The following EHMT2 variants were observed in gnomAD, a reference collection of about 807,000 sequenced individuals.
EHMT2 encodes the protein euchromatic histone lysine methyltransferase 2.
EHMT2 carries 59 observed loss-of-function variants against 143.3 expected under a neutral mutation model. The ratio of observed to expected loss-of-function variants is 0.41; its 90% CI spans 0.33 to 0.51. The LOEUF (loss-of-function observed/expected upper bound fraction) is 0.51, where lower values mean the gene tolerates loss of function less well. Ranked by LOEUF, EHMT2 falls within the 20% of genes least tolerant of loss-of-function variation. The probability of loss-of-function intolerance (pLI) is 0.18; values close to 1 mark genes in which losing one functional copy is unlikely to be tolerated. For synonymous variants in EHMT2, 604 were observed against 651.5 expected, an observed-to-expected ratio of 0.93 and a Z score of 1.11; for missense variants, 1,174 against 1,645.9, an observed-to-expected ratio of 0.71 and a Z score of 4.96.
At chr6:31,896,972 C>T (rs915573630) in exon 2 of EHMT2, 6 of 1,582,458 alleles carry the variant, frequency 3.8e-6, no homozygotes, top group South Asian at 2.3e-5. Context: ...GCGCCCCCAT[C>T]TCAGCGGGGG....
Position 31,889,756 on chromosome 6 carries a change from G to A in EHMT2, c.865-154C>T, listed in dbSNP as rs1295473673. Among the ~76,000 whole-genome samples the A allele has an allele frequency of 6.6e-6, 1 of 152,218 alleles. No individual in the cohort carries two copies. ...CAGAGGAGACAAAGGGCCACATAAA[G>A]AGAGGGTGCATGGAATATTACACAG... On this transcript the variant is annotated intron_variant, in intron 7 of 27. Coordinates refer to ENST00000375537, the Ensembl canonical transcript of EHMT2. The surrounding 1 kb of genome is among the most constrained non-coding windows in gnomAD (Gnocchi z 5.1).
In EHMT2 at chr6:31,888,135, C is replaced by A. The variant is rs769126030; in HGVS notation, c.1651G>T (p.Gly551Cys). ...CCGGCCGGTGGGGTCACCCCGTCACCCCGGGGGATGGTCACCTCTTGAGCT... is the reference window on the plus strand; with the variant it reads ...CCGGCCGGTGGGGTCACCCCGTCACACCGGGGGATGGTCACCTCTTGAGCT... Residue 551 changes from glycine (G) to cysteine (C), a missense_variant, in exon 13 of 28, where the codon GGT becomes TGT. Around this residue, in one of 6 missense-constraint regions of EHMT2, gnomAD observed 608 missense variants for 903.7 expected, o/e 0.67. Transcript: ENST00000375537. The surrounding 1 kb of genome is among the most constrained non-coding windows in gnomAD (Gnocchi z 7.4). The A allele has an allele frequency of 4.3e-6, 7 of 1,612,326 alleles. No homozygotes were observed. The South Asian group carries it at 4.4e-5, about 10-fold the overall frequency.
At chr6:31,894,884 C>T (rs1372091291) in intron 4 of EHMT2, among the ~76,000 whole-genome samples, 2 of 152,076 alleles carry the variant, frequency 1.3e-5, no homozygotes, top group Non-Finnish European at 2.9e-5. Flanking sequence ...AACTCCTGAC[C>T]TCAAGTGATT....
Position 31,884,082 on chromosome 6 carries a change from G to A in EHMT2, c.2772-132C>T, listed in dbSNP as rs983170991. ...AGTAAGGTTGCCAGGTAAGATGCAG[G>A]ACAGCGAGTTAACATAGAATTTTAG... On this transcript the variant is annotated intron_variant, in intron 21 of 27. Transcript: ENST00000375537. This position sits in a 1 kb window ranked among gnomAD's most constrained non-coding sequence, Gnocchi z 7.3. 1.0e-6 allele frequency: 1 copy of A among 999,642 alleles called. No individual in the cohort carries two copies. The highest frequency in any genetic ancestry group is 2.6e-5 in the East Asian group (1 of 38,228). The allele number at this position is 999,642 out of a possible 1,614,324, so 61.9% of individuals were successfully genotyped here. A position where few individuals can be genotyped will look rare whatever the true frequency, so the allele number is the denominator to read the frequency against.
Position 31,886,807 on chromosome 6 carries a change from T to C in EHMT2, c.2209A>G (p.Met737Val), listed in dbSNP as rs1208064184. The C allele has an allele frequency of 1.8e-5, 29 of 1,614,128 alleles. No individual in the cohort carries two copies. Among genetic ancestry groups the C allele is most frequent in the Non-Finnish European group, 2.3e-5 (27 of 1,180,050 alleles). Residue 737 changes from methionine to valine, a missense_variant, in exon 17 of 28, where the codon ATG becomes GTG. Transcript: ENST00000375537. The stretch of plus-strand genomic sequence containing the variant: ...TAGACACAGCCACCACGCTGCACCA[T>C]GTAACGGGCTACCTCCAGGTGGTTG...
chr6:31,897,664 G>A (rs1414924841), exon 1 of EHMT2: 1 of 1,128,476 alleles, frequency 8.9e-7, no homozygotes, highest in Non-Finnish European at 1.1e-6. Flanking sequence ...TGCAGCTCCC[G>A]CCGCCGCCGC....
intron 4 of EHMT2, chr6:31,893,623 C>T (rs1012726251): frequency 5.4e-5 from 14 of 258,138 alleles, no homozygotes; most frequent in South Asian, 2.7e-4. Flanking sequence ...GCCTTTGAAA[C>T]ATTCTTTTAA....
intron 18 of EHMT2, chr6:31,886,249 T>C: frequency 3.1e-6 from 1 of 324,640 alleles, no homozygotes; most frequent in South Asian, 6.0e-5. Flanking sequence ...AAGGGGCTTC[T>C]TCTGGACAAT....
Position 31,883,398 on chromosome 6 carries a change from C to A in EHMT2, c.2958G>T (p.Leu986=). The change falls in exon 23 of 28, where the codon CTG becomes CTT. Residue 986 remains leucine, a synonymous_variant. Coordinates refer to ENST00000375537, the Ensembl canonical transcript of EHMT2. This position sits in a 1 kb window ranked among gnomAD's most constrained non-coding sequence, Gnocchi z 5.6. ...AGCACCGGATGCTGAGCTGGCCGCA[C>A]AGGCAGTTGGAGCTAGAGCAGTCGT... 1.9e-6 allele frequency: 3 copies of A among 1,612,968 alleles called. No homozygotes were observed. The highest frequency in any genetic ancestry group is 1.7e-6 in the Non-Finnish European group (2 of 1,179,972).
chr6:31,892,640 G>C, intron 6 of EHMT2, 54 bp downstream of exon 6: 2 of 1,612,730 alleles, frequency 1.2e-6, no homozygotes, highest in Non-Finnish European at 1.7e-6. Flanking sequence ...CCCCACCTCT[G>C]ACCCTCCCTC....
chr6:31,897,143 G>A lies in EHMT2; in HGVS notation c.43-154C>T, dbSNP rs369017168. The A allele has an allele frequency of 7.9e-5, 108 of 1,373,016 alleles. No homozygotes were observed. In the East Asian group the frequency reaches 1.2e-3, roughly 16 times the overall value. 85.1% of individuals were successfully genotyped at this position (1,373,016 alleles called of 1,614,324 possible). On this transcript the variant is annotated intron_variant, in intron 1 of 27. Transcript: ENST00000375537. The stretch of plus-strand genomic sequence containing the variant: ...TTCCGCGGCCTCGGCTGCCCGGAGG[G>A]GCCGCACGACCCCTCCCCCGGGCCC...
rs1415260557 is a variant in EHMT2 at position 31,884,605 on chromosome 6, A to T, written c.2603+40T>A. On this transcript the variant is annotated intron_variant, in intron 20 of 27. Transcript: ENST00000375537. The surrounding 1 kb of genome is among the most constrained non-coding windows in gnomAD (Gnocchi z 7.3). The stretch of plus-strand genomic sequence containing the variant: ...CCAATGCAGGGTCTGAGGCTGCAAG[A>T]AGTGGGGGCAGGGGCATCAAGGGCG... The T allele has an allele frequency of 6.2e-7, 1 of 1,606,376 alleles. No homozygotes were observed. The highest frequency in any genetic ancestry group is 8.5e-7 in the Non-Finnish European group (1 of 1,175,142).
exon 5 of EHMT2, chr6:31,892,872 A>G: frequency 6.3e-7 from 1 of 1,596,584 alleles, no homozygotes; most frequent in Non-Finnish European, 8.5e-7. Flanking sequence ...TCATGCGGAA[A>G]TGCTGTATTT....
At chr6:31,882,700 C>G (rs754099039) in exon 25 of EHMT2, 1 of 1,612,054 alleles carries the variant, frequency 6.2e-7, no homozygotes, top group Non-Finnish European at 8.5e-7. Context: ...GTGACTTACT[C>G]GCAGATGAAG....
chr6:31,889,082 A>T lies in EHMT2; in HGVS notation c.1115-12T>A. On this transcript the variant is annotated splice_polypyrimidine_tract_variant and intron_variant, in intron 9 of 27. Coordinates refer to ENST00000375537, the Ensembl canonical transcript of EHMT2. The surrounding 1 kb of genome is among the most constrained non-coding windows in gnomAD (Gnocchi z 5.1). ...CACACCATTCACTCCTGACACAGAG[A>T]CAGAGAGAGTGAGAGTGCGAGCTCA... is the stretch of plus-strand genomic sequence containing the variant. The T allele has an allele frequency of 6.3e-7, 1 of 1,596,428 alleles. No individual in the cohort carries two copies. The highest frequency in any genetic ancestry group is 8.5e-7 in the Non-Finnish European group (1 of 1,171,792).
In EHMT2 at chr6:31,883,030, T is replaced by C. The variant is rs115272033; in HGVS notation, c.2995-21A>G. The C allele has an allele frequency of 0.042, 68,191 of 1,606,472 alleles. 1,554 individuals carry two copies. The highest frequency in any genetic ancestry group is 0.046 in the Non-Finnish European group (53,867 of 1,175,200). ...CCATCCTAGGGTGCGGAGGGGAGGATAGTGGTTTCTCTGTGGGGCCCACCT... is the reference window on the plus strand; with the variant it reads ...CCATCCTAGGGTGCGGAGGGGAGGACAGTGGTTTCTCTGTGGGGCCCACCT... On this transcript the variant is annotated intron_variant, in intron 23 of 27. Transcript: ENST00000375537. The surrounding 1 kb of genome is among the most constrained non-coding windows in gnomAD (Gnocchi z 5.6).
At chr6:31,893,344 A>G (rs924164486) in intron 4 of EHMT2, 2 of 447,976 alleles carry the variant, frequency 4.5e-6, no homozygotes, top group South Asian at 1.6e-5. Context: ...TTTAAGAGAT[A>G]AGGTCTCATT....
chr6:31,896,352 A>G, exon 4 of EHMT2: 2 of 1,612,506 alleles, frequency 1.2e-6, no homozygotes, highest in Non-Finnish European at 1.7e-6. Context: ...GGGGGTTCAG[A>G]CCCTGCTGCT....
At chr6:31,897,217 G>T (rs1174266724) in intron 1 of EHMT2, 4 of 1,238,688 alleles carry the variant, frequency 3.2e-6, no homozygotes, top group Admixed American at 4.0e-5. Flanking sequence ...GGGGCCGAGA[G>T]AAGAGGAGGG....
Sources: gnomAD v4.1 joint callset for allele counts (sites outside exome capture counted in the v4.1 genomes callset) on GRCh38, gnomAD v4.1.1 for gene constraint, gnomAD v4.1.1 regional missense constraint, Gnocchi (gnomAD v3.1) non-coding constraint, MANE v1.5 for transcripts, NCBI Gene and HGNC (gene_info 2026-07-23, HGNC 2026-07-21) for gene names.